The following HIBCH variants were observed in gnomAD, a reference collection of about 807,000 sequenced individuals.
HIBCH encodes 3-hydroxyisobutyryl-CoA hydrolase.
A neutral mutation model predicts 58.2 loss-of-function variants in HIBCH; 50 were observed. That is an observed-to-expected ratio of 0.86 (90% confidence interval 0.68 to 1.09). The LOEUF (loss-of-function observed/expected upper bound fraction) is 1.09. Among genes scored for constraint, HIBCH ranks in the 50% least tolerant of loss-of-function variants. The pLI is 0.00. For synonymous variants in HIBCH, 151 were observed against 146.9 expected (o/e 1.03, Z -0.20); for missense variants, 450 against 449.7 (o/e 1.00, Z -0.01).
chr2:190,267,812 A>G (rs75896192), intron 6 of HIBCH, among the ~76,000 whole-genome samples: 5,854 of 137,298 alleles, frequency 0.043, 165 homozygotes, highest in Non-Finnish European at 0.067. Context: ...GGGCTTGCCA[A>G]GTTGGGCCCC....
At chr2:190,288,530 C>G (rs1408331716) in intron 5 of HIBCH, among the ~76,000 whole-genome samples, 1 of 149,980 alleles carries the variant, frequency 6.7e-6, no homozygotes, top group Non-Finnish European at 1.5e-5. Context: ...CTACTGGAAG[C>G]TAAAATATCC....
intron 2 of HIBCH, among the ~76,000 whole-genome samples, 158 bp downstream of exon 2, chr2:190,310,596 C>T (rs1688531909): frequency 1.3e-5 from 2 of 152,200 alleles, no homozygotes; most frequent in Admixed American, 1.3e-4. Flanking sequence ...ATGCCACCTC[C>T]TACAAGGTGC....
intron 8 of HIBCH, chr2:190,251,514 T>C (rs1468935667): frequency 2.2e-6 from 1 of 447,968 alleles, no homozygotes; most frequent in South Asian, 1.7e-5. Context: ...CTGCCACATG[T>C]AACACAAGGA....
chr2:190,248,771 G>A (rs1258495717), intron 9 of HIBCH, among the ~76,000 whole-genome samples: 2 of 151,368 alleles, frequency 1.3e-5, no homozygotes, highest in South Asian at 2.1e-4. Context: ...TGAGGCACGA[G>A]AATCGCTTGA....
chr2:190,269,286 G>A (rs113472993), intron 6 of HIBCH, among the ~76,000 whole-genome samples: 5 of 152,240 alleles, frequency 3.3e-5, no homozygotes, highest in South Asian at 2.1e-4. Flanking sequence ...TGTCATCAAC[G>A]TGAACAGGCA....
In HIBCH at chr2:190,257,934, G is replaced by A. The variant is rs56034486; in HGVS notation, c.517+3222C>T. ...AGTTTCCAACACGTGAACTTCAGGC[G>A]ACACATACAAAAAAGCAATTATGAA... On this transcript the variant is annotated intron_variant, in intron 7 of 13. Transcript: ENST00000359678. Among the ~76,000 whole-genome samples, 336 of 152,194 alleles carry A rather than the reference G, an allele frequency of 2.2e-3. 1 individual carries two copies. The highest frequency in any genetic ancestry group is 7.0e-3 in the African/African-American group (290 of 41,528).
At chr2:190,257,613 T>C (rs1686962780) in intron 7 of HIBCH, among the ~76,000 whole-genome samples, 1 of 152,146 alleles carries the variant, frequency 6.6e-6, no homozygotes, top group African/African-American at 2.4e-5. Flanking sequence ...ATTGTCTTAG[T>C]CCATTTTGTG....
intron 11 of HIBCH, among the ~76,000 whole-genome samples, chr2:190,225,636 C>T (rs543505918): frequency 1.3e-5 from 2 of 152,224 alleles, no homozygotes; most frequent in South Asian, 4.1e-4. Flanking sequence ...TAATAGCCCA[C>T]CAACCGAAAA....
chr2:190,310,413 CTTAT>C (rs2124860702), intron 2 of HIBCH, among the ~76,000 whole-genome samples: 2 of 152,296 alleles, frequency 1.3e-5, no homozygotes, highest in African/African-American at 4.8e-5. Flanking sequence ...ATACAATTAT[CTTAT>C]TTATCATTTA....
chr2:190,303,535 G>A (rs888862200), intron 2 of HIBCH, among the ~76,000 whole-genome samples: 9 of 151,620 alleles, frequency 5.9e-5, no homozygotes, highest in African/African-American at 1.9e-4. Flanking sequence ...GAACAATGAA[G>A]CAATCAATAA....
At chr2:190,230,923 A>G (rs1265117360) in intron 11 of HIBCH, among the ~76,000 whole-genome samples, 1 of 152,230 alleles carries the variant, frequency 6.6e-6, no homozygotes, top group African/African-American at 2.4e-5. Flanking sequence ...CATAAACATA[A>G]TGCAAAAATC....
chr2:190,269,407 G>T (rs567241123), intron 6 of HIBCH, among the ~76,000 whole-genome samples: 85 of 152,112 alleles, frequency 5.6e-4, no homozygotes, highest in African/African-American at 2.0e-3. Flanking sequence ...TCAAAAAGTG[G>T]GTGAAGGATA....
intron 11 of HIBCH, among the ~76,000 whole-genome samples, chr2:190,234,066 A>G (rs908676466): frequency 2.6e-5 from 4 of 152,150 alleles, no homozygotes; most frequent in Non-Finnish European, 5.9e-5. Context: ...CTGAGACAGG[A>G]GAATAGCTTA....
chr2:190,251,619 C>A, intron 8 of HIBCH: 1 of 413,030 alleles, frequency 2.4e-6, no homozygotes, highest in Non-Finnish European at 5.0e-6. Flanking sequence ...TAAACTCAAA[C>A]TATCTATATA....
At chr2:190,234,239 A>C (rs1011955278) in intron 11 of HIBCH, among the ~76,000 whole-genome samples, 11 of 152,256 alleles carry the variant, frequency 7.2e-5, no homozygotes, top group African/African-American at 1.7e-4. Context: ...CAACTATATT[A>C]GAAAATTATT....
intron 7 of HIBCH, among the ~76,000 whole-genome samples, chr2:190,256,228 C>G (rs953206655): frequency 6.6e-6 from 1 of 152,000 alleles, no homozygotes; most frequent in Non-Finnish European, 1.5e-5. Context: ...AACGCCTAAC[C>G]ATATCACTAC....
chr2:190,195,347 G>A (rs1689918449), intron 1 of HIBCH, among the ~76,000 whole-genome samples: 1 of 149,252 alleles, frequency 6.7e-6, no homozygotes, highest in Admixed American at 6.7e-5. Flanking sequence ...CCAAGAAGCA[G>A]AACTGCTGGA....
chr2:190,246,218 T>G lies in HIBCH; in HGVS notation c.751-6A>C, dbSNP rs750863133. On this transcript the variant is annotated splice_polypyrimidine_tract_variant and splice_region_variant and intron_variant, in intron 9 of 13. Transcript: ENST00000359678. The stretch of plus-strand genomic sequence containing the variant: ...TTGTCTCGATCAATCTTAGACTGTT[T>G]GAAAAGAAAAATCTTTTAATAAATT... 6.4e-7 allele frequency: 1 copy of G among 1,552,896 alleles called. No homozygotes were observed. Among genetic ancestry groups the G allele is most frequent in the East Asian group, 2.3e-5 (1 of 44,342 alleles).
Position 190,290,487 on chromosome 2 carries a change from TAGGA to T in HIBCH, c.305-6_305-3del. On this transcript the variant is annotated splice_region_variant and splice_polypyrimidine_tract_variant and intron_variant, in intron 4 of 13. Coordinates refer to ENST00000359678, the MANE Select transcript of HIBCH (RefSeq NM_014362.4). ...TTGCCTTTTCAGCTTCCGAGATCAC[TAGGA>T]AGGAAAGATTACAAATAAAAAAAAA... The T allele has an allele frequency of 6.3e-7, 1 of 1,587,118 alleles. No individual in the cohort carries two copies. Among genetic ancestry groups the T allele is most frequent in the Non-Finnish European group, 8.6e-7 (1 of 1,157,274 alleles).
Sources: gnomAD v4.1 joint callset for allele counts (sites outside exome capture counted in the v4.1 genomes callset) on GRCh38, gnomAD v4.1.1 for gene constraint, MANE v1.5 for transcripts, NCBI Gene and HGNC (gene_info 2026-07-23, HGNC 2026-07-21) for gene names.